AMBRA1: variants seen among roughly 807,000 people sequenced by gnomAD.
AMBRA1 encodes activating molecule in BECN1-regulated autophagy protein 1.
AMBRA1 carries 47 observed loss-of-function variants against 125.4 expected under a neutral mutation model. The ratio of observed to expected loss-of-function variants is 0.37; its 90% CI spans 0.30 to 0.48. The LOEUF is 0.48. AMBRA1 is among the 20% of genes least tolerant of loss of function. The pLI, the probability that AMBRA1 is intolerant of heterozygous loss-of-function variation, is 0.99. For synonymous variants in AMBRA1, 626 were observed against 655.5 expected, an observed-to-expected ratio of 0.95 and a Z score of 0.69; for missense variants, 1,331 against 1,693.4, an observed-to-expected ratio of 0.79 and a Z score of 3.76.
chr11:46,455,156 G>A (rs1262058015), intron 11 of AMBRA1, among the ~76,000 whole-genome samples: 2 of 151,952 alleles, frequency 1.3e-5, no homozygotes, highest in African/African-American at 4.8e-5. Flanking sequence ...CAAATTGCTG[G>A]GATTATGGGC....
intron 8 of AMBRA1, among the ~76,000 whole-genome samples, chr11:46,509,912 T>C (rs1269155813): frequency 1.3e-5 from 2 of 152,182 alleles, no homozygotes; most frequent in African/African-American, 4.8e-5. Context: ...GGAATAGTTA[T>C]ATCCAAATGG....
chr11:46,543,174 G>A lies in AMBRA1; in HGVS notation c.843C>T (p.Arg281=). The change falls in exon 7 of 18, where the codon CGC becomes CGT. Residue 281 remains arginine, a synonymous_variant. Transcript: ENST00000683756. ...GCCTGATGTAAGCGGAAGTCCTGGG[G>A]CGCTCCGTGGAGGGCTGAGGGGGAG... ...PPPPPQPSTE[R]PRTSAYIRLR... The A allele has an allele frequency of 6.4e-7, 1 of 1,570,062 alleles. No homozygotes were observed. Among genetic ancestry groups the A allele is most frequent in the Non-Finnish European group, 8.6e-7 (1 of 1,159,466 alleles).
At chr11:46,566,217 G>A (rs1281205351) in intron 1 of AMBRA1, among the ~76,000 whole-genome samples, 5 of 152,160 alleles carry the variant, frequency 3.3e-5, no homozygotes, top group African/African-American at 1.2e-4. Flanking sequence ...TCAGGAGTTC[G>A]AGACTGGTCT....
At chr11:46,565,098 A>G (rs1430197653) in intron 1 of AMBRA1, among the ~76,000 whole-genome samples, 1 of 150,758 alleles carries the variant, frequency 6.6e-6, no homozygotes, top group East Asian at 2.0e-4. Context: ...TCTACAAAAA[A>G]ATATAAAAAT....
chr11:46,466,880 A>G (rs1949349732), intron 11 of AMBRA1, among the ~76,000 whole-genome samples: 1 of 149,458 alleles, frequency 6.7e-6, no homozygotes, highest in African/African-American at 2.5e-5. Flanking sequence ...TAACCATCAT[A>G]TTTCTAAAAT....
chr11:46,464,169 G>T (rs1468510496), intron 11 of AMBRA1, among the ~76,000 whole-genome samples: 1 of 152,170 alleles, frequency 6.6e-6, no homozygotes, highest in East Asian at 1.9e-4. Context: ...AGAAGAGCAG[G>T]TGCCAGAGAA....
At chr11:46,512,703 T>C (rs1264576739) in intron 8 of AMBRA1, 24 bp downstream of exon 8, 7 of 1,607,916 alleles carry the variant, frequency 4.4e-6, no homozygotes, top group Non-Finnish European at 6.0e-6. Flanking sequence ...CCCCACCTAG[T>C]GCCATTTCTC....
intron 1 of AMBRA1, among the ~76,000 whole-genome samples, chr11:46,585,627 C>A (rs2044344433): frequency 9.8e-6 from 1 of 102,306 alleles, no homozygotes; most frequent in Non-Finnish European, 1.8e-5. Context: ...GATCACGCCA[C>A]TGCACTCCAG....
intron 10 of AMBRA1, 107 bp downstream of exon 10, chr11:46,494,017 A>G: frequency 1.8e-6 from 2 of 1,114,862 alleles, no homozygotes; most frequent in Non-Finnish European, 1.3e-6. Context: ...TGGGCCCACT[A>G]GGAAACAATG....
At position 46,399,146 on chromosome 11, in the gene AMBRA1, C is replaced by T. The variant is rs183552853; in HGVS notation, c.3404-1203G>A. Among the ~76,000 whole-genome samples, 1,079 of 152,256 alleles carry T rather than the reference C, an allele frequency of 7.1e-3. 8 individuals carry two copies. Among genetic ancestry groups the T allele is most frequent in the Non-Finnish European group, 9.0e-3 (612 of 68,018 alleles). Reference sequence around the variant, plus strand: ...CTGGAGTGCAATGATGCGATCTCAGCTCACTGCAACCTCCACTTCCTGGGT... The same window carrying T: ...CTGGAGTGCAATGATGCGATCTCAGTTCACTGCAACCTCCACTTCCTGGGT... On this transcript the variant is annotated intron_variant, in intron 17 of 17. Transcript: ENST00000683756.
intron 8 of AMBRA1, among the ~76,000 whole-genome samples, chr11:46,512,135 C>T (rs1289699016): frequency 6.6e-6 from 1 of 152,226 alleles, no homozygotes; most frequent in Admixed American, 6.5e-5. Context: ...GGATTACAGG[C>T]GTGAGCCACC....
intron 7 of AMBRA1, among the ~76,000 whole-genome samples, chr11:46,526,251 T>C (rs1057290606): frequency 6.6e-6 from 1 of 151,850 alleles, no homozygotes; most frequent in Non-Finnish European, 1.5e-5. Context: ...TAAAATAAAA[T>C]AGATATGGCC....
At chr11:46,515,057 T>C (rs546419217) in intron 7 of AMBRA1, among the ~76,000 whole-genome samples, 1 of 152,340 alleles carries the variant, frequency 6.6e-6, no homozygotes. Context: ...ACCTAGAAGC[T>C]TGTTCCACCC....
intron 11 of AMBRA1, among the ~76,000 whole-genome samples, chr11:46,474,912 T>C (rs1949755629): frequency 6.6e-6 from 1 of 152,126 alleles, no homozygotes; most frequent in Non-Finnish European, 1.5e-5. Flanking sequence ...GAACACAGTG[T>C]GCGCTTGAGA....
chr11:46,531,780 T>C (rs1166102307), intron 7 of AMBRA1, among the ~76,000 whole-genome samples: 1 of 151,434 alleles, frequency 6.6e-6, no homozygotes, highest in Non-Finnish European at 1.5e-5. Flanking sequence ...AAAGAGAAAA[T>C]GGGTTGCCTA....
chr11:46,399,976 C>A (rs1945654211), intron 17 of AMBRA1, among the ~76,000 whole-genome samples: 1 of 152,166 alleles, frequency 6.6e-6, no homozygotes, highest in South Asian at 2.1e-4. Flanking sequence ...CTAACATCTA[C>A]CTTGCACGGT....
At chr11:46,461,358 G>A (rs1949080972) in intron 11 of AMBRA1, among the ~76,000 whole-genome samples, 1 of 152,222 alleles carries the variant, frequency 6.6e-6, no homozygotes, top group Non-Finnish European at 1.5e-5. Flanking sequence ...AAGCACAAAT[G>A]CATGTCATAT....
intron 7 of AMBRA1, among the ~76,000 whole-genome samples, chr11:46,513,464 G>A (rs886356888): frequency 1.3e-5 from 2 of 151,944 alleles, no homozygotes; most frequent in African/African-American, 4.8e-5. Context: ...TTGATGCCAG[G>A]TAATAGGTAA....
intron 7 of AMBRA1, among the ~76,000 whole-genome samples, chr11:46,527,549 G>C (rs1403164113): frequency 7.3e-6 from 1 of 136,130 alleles, no homozygotes; most frequent in African/African-American, 2.8e-5. Flanking sequence ...CCATATATCA[G>C]ATAAATGTTT....
Sources: allele counts gnomAD v4.1 joint callset (sites outside exome capture counted in the v4.1 genomes callset), GRCh38; gene constraint gnomAD v4.1.1; transcripts MANE v1.5; gene names NCBI Gene and HGNC (gene_info 2026-07-23, HGNC 2026-07-21).